Variants in RBPJ observed in about 807,000 individuals in gnomAD.
RBPJ encodes the protein recombining binding protein suppressor of hairless.
A neutral mutation model predicts 67.8 loss-of-function variants in RBPJ; 9 were observed. The ratio of observed to expected loss-of-function variants is 0.13; its 90% confidence interval spans 0.08 to 0.23. RBPJ has a LOEUF of 0.23. RBPJ is among the 10% of genes least tolerant of loss of function. The probability of loss-of-function intolerance (pLI) is 1.00; values close to 1 mark genes in which losing one functional copy is unlikely to be tolerated. For synonymous variants in RBPJ, 198 were observed against 203.3 expected (o/e 0.97, Z 0.22); for missense variants, 305 against 595.6 (o/e 0.51, Z 5.08).
chr4:26,151,941 A>T, the RBPJ span, among the ~76,000 whole-genome samples: 1 of 152,198 alleles, frequency 6.6e-6, no homozygotes, highest in Non-Finnish European at 1.5e-5. Flanking sequence ...GCCTCTCCAG[A>T]TGTTGAACTA....
At chr4:26,130,374 G>C in the RBPJ span, among the ~76,000 whole-genome samples, 1 of 152,072 alleles carries the variant, frequency 6.6e-6, no homozygotes, top group African/African-American at 2.4e-5. Flanking sequence ...CCTCAGTTTT[G>C]GTCCATTTTT....
At chr4:26,334,483 C>A (rs1417377133) in intron 1 of RBPJ, among the ~76,000 whole-genome samples, 3 of 151,924 alleles carry the variant, frequency 2.0e-5, no homozygotes, top group Non-Finnish European at 4.4e-5. Context: ...TTAAGTTTTC[C>A]CTTTTGTACA....
intron 1 of RBPJ, among the ~76,000 whole-genome samples, chr4:26,280,991 T>A (rs1038980480): frequency 6.6e-5 from 10 of 152,098 alleles, no homozygotes; most frequent in African/African-American, 1.9e-4. Flanking sequence ...CAGAAACAAA[T>A]CAGATGATGA....
intron 1 of RBPJ, among the ~76,000 whole-genome samples, chr4:26,240,808 C>T (rs1254072948): frequency 6.6e-6 from 1 of 152,096 alleles, no homozygotes; most frequent in Admixed American, 6.5e-5. Flanking sequence ...TGTGCAATAT[C>T]CTGTGACCCC....
intron 3 of RBPJ, among the ~76,000 whole-genome samples, chr4:26,408,185 T>G (rs1189494686): frequency 6.6e-6 from 1 of 152,090 alleles, no homozygotes; most frequent in Non-Finnish European, 1.5e-5. Context: ...GTAAAGCTAT[T>G]TAATTGGTAG....
intron 1 of RBPJ, among the ~76,000 whole-genome samples, chr4:26,308,561 T>G (rs1403119022): frequency 6.6e-6 from 1 of 152,230 alleles, no homozygotes; most frequent in Non-Finnish European, 1.5e-5. Flanking sequence ...AAAGAGACAA[T>G]GTACAACTTT....
chr4:26,389,949 T>C (rs967814365), intron 2 of RBPJ, among the ~76,000 whole-genome samples: 3 of 152,172 alleles, frequency 2.0e-5, no homozygotes, highest in African/African-American at 7.2e-5. Context: ...TCTGTGAGCA[T>C]AGCATTACCC....
At chr4:26,366,455 G>C (rs1276224559) in intron 1 of RBPJ, among the ~76,000 whole-genome samples, 1 of 151,902 alleles carries the variant, frequency 6.6e-6, no homozygotes, top group East Asian at 1.9e-4. Flanking sequence ...ACCAAGTCTT[G>C]CTCTGTCACC....
At chr4:26,342,360 T>C (rs529366609) in intron 1 of RBPJ, among the ~76,000 whole-genome samples, 33 of 152,154 alleles carry the variant, frequency 2.2e-4, no homozygotes, top group Non-Finnish European at 3.5e-4. Context: ...GAGGTAGTAT[T>C]ATCTTGTTTT....
intron 2 of RBPJ, among the ~76,000 whole-genome samples, chr4:26,387,714 A>C (rs1342912814): frequency 6.6e-6 from 1 of 152,188 alleles, no homozygotes; most frequent in Non-Finnish European, 1.5e-5. Flanking sequence ...TGCGTGTGTA[A>C]GAAAACTACT....
At chr4:26,313,547 G>A (rs1194620336) in intron 1 of RBPJ, among the ~76,000 whole-genome samples, 3 of 152,108 alleles carry the variant, frequency 2.0e-5, no homozygotes, top group African/African-American at 2.4e-5. Flanking sequence ...GCGGGCGCCT[G>A]TAGTCCCAGC....
the RBPJ span, among the ~76,000 whole-genome samples, chr4:26,155,227 G>T: frequency 6.6e-6 from 1 of 152,058 alleles, no homozygotes; most frequent in Non-Finnish European, 1.5e-5. Context: ...TACATATTTT[G>T]ACCATTTCCA....
intron 1 of RBPJ, among the ~76,000 whole-genome samples, chr4:26,366,621 C>G (rs148713758): frequency 2.6e-5 from 4 of 151,918 alleles, no homozygotes; most frequent in Admixed American, 6.6e-5. Flanking sequence ...GGGGTTTCAC[C>G]GTGTTAGCCA....
At chr4:26,220,778 A>G (rs1577487288) in intron 1 of RBPJ, among the ~76,000 whole-genome samples, 1 of 152,212 alleles carries the variant, frequency 6.6e-6, no homozygotes, top group Non-Finnish European at 1.5e-5. Context: ...CGAAGAGTTA[A>G]GGTGTTTGTT....
intron 1 of RBPJ, among the ~76,000 whole-genome samples, chr4:26,325,274 C>G (rs1026142939): frequency 2.6e-5 from 4 of 152,208 alleles, no homozygotes; most frequent in African/African-American, 9.6e-5. Context: ...GACGTACTGA[C>G]AGCCTCTTTC....
intron 1 of RBPJ, among the ~76,000 whole-genome samples, chr4:26,209,541 T>C (rs59483744): frequency 0.47 from 37,870 of 80,840 alleles, 9,900 homozygotes; most frequent in East Asian, 0.61. Flanking sequence ...CCTATCTCCT[T>C]CCTTCCTCCT....
chr4:26,133,342 G>A, the RBPJ span, among the ~76,000 whole-genome samples: 59 of 152,178 alleles, frequency 3.9e-4, no homozygotes, highest in African/African-American at 1.4e-3. Context: ...TTGAGGTGAG[G>A]GCAGACAGAT....
chr4:26,105,695 A>G, the RBPJ span, among the ~76,000 whole-genome samples: 13 of 152,252 alleles, frequency 8.5e-5, no homozygotes, highest in Non-Finnish European at 1.9e-4. Flanking sequence ...AAACAAAAAA[A>G]CAAGAACAAA....
the RBPJ span, among the ~76,000 whole-genome samples, chr4:26,120,294 C>T: frequency 6.6e-6 from 1 of 152,308 alleles, no homozygotes; most frequent in African/African-American, 2.4e-5. Flanking sequence ...CTCCGCTGGG[C>T]AGGCTTTTCA....
Sources: allele counts gnomAD v4.1 joint callset (sites outside exome capture counted in the v4.1 genomes callset), GRCh38; gene constraint gnomAD v4.1.1; transcripts MANE v1.5; gene names NCBI Gene and HGNC (gene_info 2026-07-23, HGNC 2026-07-21).